Variants in FOXN2 observed in about 807,000 individuals in gnomAD.
FOXN2 encodes forkhead box protein N2.
Under a neutral mutation model 41.2 loss-of-function variants are expected in FOXN2, and 19 were observed. The ratio of observed to expected loss-of-function variants is 0.46; its 90% confidence interval spans 0.32 to 0.68. The LOEUF (loss-of-function observed/expected upper bound fraction) is 0.68, where lower values mean the gene tolerates loss of function less well. FOXN2 is among the 30% of genes least tolerant of loss of function. The pLI, the probability that FOXN2 is intolerant of heterozygous loss-of-function variation, is 0.03. For synonymous variants in FOXN2, 195 were observed against 176.8 expected (o/e 1.10, Z -0.82); for missense variants, 587 against 509.4 (o/e 1.15, Z -1.47).
chr2:48,372,180 T>G (rs1161134122), intron 5 of FOXN2, among the ~76,000 whole-genome samples: 2 of 152,184 alleles, frequency 1.3e-5, no homozygotes, highest in African/African-American at 4.8e-5. Flanking sequence ...AGGTCACATT[T>G]TACTTGGGGA....
chr2:48,320,369 C>A (rs145202923), intron 1 of FOXN2, among the ~76,000 whole-genome samples: 1 of 151,966 alleles, frequency 6.6e-6, no homozygotes, highest in Admixed American at 6.5e-5. Context: ...CAGCTTACTG[C>A]AACCTCTGTC....
intron 6 of FOXN2, among the ~76,000 whole-genome samples, 195 bp from the exon 7 acceptor site, chr2:48,374,725 A>T (rs1673121778): frequency 6.6e-6 from 1 of 152,226 alleles, no homozygotes; most frequent in Non-Finnish European, 1.5e-5. Context: ...AAGTCAAGAC[A>T]TTGTTAAATG....
At chr2:48,326,902 C>A (rs2104169863) in intron 1 of FOXN2, among the ~76,000 whole-genome samples, 1 of 152,142 alleles carries the variant, frequency 6.6e-6, no homozygotes. Flanking sequence ...CCAAAAAATC[C>A]CCAATCCAAA....
At position 48,346,755 on chromosome 2, in the gene FOXN2, A is replaced by G. The variant is rs2104376341; in HGVS notation, c.537+4A>G. 1.3e-6 allele frequency: 2 copies of G among 1,570,736 alleles called. No individual in the cohort carries two copies. The highest frequency in any genetic ancestry group is 1.7e-6 in the Non-Finnish European group (2 of 1,163,818). On this transcript the variant is annotated splice_donor_region_variant and intron_variant, in intron 3 of 6. Coordinates refer to ENST00000340553, the MANE Select transcript of FOXN2 (RefSeq NM_002158.4). ...AGTGGAAAGAAGCCATGGCAAGGTC[A>G]GTGTTTATGAACATTGCTATATTTG...
At chr2:48,328,850 A>G (rs900722965) in intron 2 of FOXN2, 148 bp downstream of exon 2, 1 of 151,998 alleles carries the variant, frequency 6.6e-6, no homozygotes, top group South Asian at 2.1e-4. Flanking sequence ...AGTCAGATTT[A>G]CTCTAAGAGC....
At chr2:48,334,358 C>A (rs1459305738) in intron 2 of FOXN2, among the ~76,000 whole-genome samples, 3 of 152,140 alleles carry the variant, frequency 2.0e-5, no homozygotes, top group Non-Finnish European at 4.4e-5. Context: ...ATAATGACAA[C>A]TCTTGTTAGA....
intron 2 of FOXN2, among the ~76,000 whole-genome samples, chr2:48,331,108 G>A (rs1054307928): frequency 5.9e-5 from 9 of 152,108 alleles, no homozygotes; most frequent in African/African-American, 2.2e-4. Flanking sequence ...ACCCAAAGAG[G>A]TAATAAGGAA....
intron 6 of FOXN2, 34 bp downstream of exon 6, chr2:48,373,394 T>C (rs769403719): frequency 1.5e-6 from 2 of 1,294,218 alleles, no homozygotes; most frequent in East Asian, 2.4e-5. Context: ...AAAAAAATTT[T>C]AGTGCCTTTT....
intron 1 of FOXN2, among the ~76,000 whole-genome samples, chr2:48,326,035 G>A (rs1669650927): frequency 6.6e-6 from 1 of 152,022 alleles, no homozygotes; most frequent in African/African-American, 2.4e-5. Context: ...TTTTAGTATA[G>A]ATGGGGTTTT....
chr2:48,364,591 T>A (rs1672407678), intron 5 of FOXN2, among the ~76,000 whole-genome samples: 1 of 152,180 alleles, frequency 6.6e-6, no homozygotes, highest in Admixed American at 6.5e-5. Flanking sequence ...TCATTGAAAA[T>A]AGGATTGAAT....
chr2:48,314,846 G>A (rs1340424675), intron 1 of FOXN2, 32 bp downstream of exon 1: 3 of 152,002 alleles, frequency 2.0e-5, no homozygotes, highest in African/African-American at 4.8e-5. Context: ...CCCCTCCAGG[G>A]TCGGCGCTCC....
At chr2:48,337,840 C>G (rs956490358) in intron 2 of FOXN2, among the ~76,000 whole-genome samples, 3 of 151,966 alleles carry the variant, frequency 2.0e-5, no homozygotes, top group Non-Finnish European at 4.4e-5. Flanking sequence ...AAAAAATTAA[C>G]AGATGTACAA....
intron 3 of FOXN2, 100 bp from the exon 4 acceptor site, chr2:48,358,947 G>A: frequency 3.6e-6 from 3 of 837,156 alleles, no homozygotes; most frequent in South Asian, 3.4e-5. Flanking sequence ...TACTCAAAAG[G>A]TGCTAGAGAT....
chr2:48,315,194 C>T (rs1668821633), intron 1 of FOXN2, among the ~76,000 whole-genome samples: 1 of 152,130 alleles, frequency 6.6e-6, no homozygotes, highest in Non-Finnish European at 1.5e-5. Context: ...CAGGGCTCGG[C>T]TCGGGGCTGG....
At chr2:48,370,728 T>A (rs901978546) in intron 5 of FOXN2, among the ~76,000 whole-genome samples, 2 of 152,162 alleles carry the variant, frequency 1.3e-5, no homozygotes, top group African/African-American at 4.8e-5. Context: ...ATGAGTAGTT[T>A]GCATATATTT....
chr2:48,343,159 G>A (rs1186314141), intron 2 of FOXN2, among the ~76,000 whole-genome samples: 1 of 152,126 alleles, frequency 6.6e-6, no homozygotes, highest in African/African-American at 2.4e-5. Context: ...ATTGAACTTA[G>A]CCTCGTTTAT....
chr2:48,369,284 T>TC (rs1465838289), intron 5 of FOXN2, among the ~76,000 whole-genome samples: 1 of 152,328 alleles, frequency 6.6e-6, no homozygotes, highest in East Asian at 1.9e-4. Flanking sequence ...ACGCCTGTAA[T>TC]CCCAGCACTT....
intron 1 of FOXN2, among the ~76,000 whole-genome samples, chr2:48,318,740 C>T (rs1010682637): frequency 2.0e-5 from 3 of 152,138 alleles, no homozygotes; most frequent in Admixed American, 2.0e-4. Flanking sequence ...GCTAAGAATA[C>T]AGTGGTGAGC....
chr2:48,320,941 T>A (rs1045381184), intron 1 of FOXN2, among the ~76,000 whole-genome samples: 2 of 152,184 alleles, frequency 1.3e-5, no homozygotes, highest in Admixed American at 6.5e-5. Flanking sequence ...TGTCAGAGAT[T>A]GCCTAAGTAT....
Sources: gnomAD v4.1 joint callset for allele counts (sites outside exome capture counted in the v4.1 genomes callset) on GRCh38, gnomAD v4.1.1 for gene constraint, MANE v1.5 for transcripts, NCBI Gene and HGNC (gene_info 2026-07-23, HGNC 2026-07-21) for gene names.